ZNF678: variants seen among roughly 807,000 people sequenced by gnomAD.
ZNF678 encodes hypothetical protein MGC42493.
In ZNF678, 5 loss-of-function variants were observed where a neutral mutation model predicts 3.0. That is an observed-to-expected ratio of 1.69 (90% confidence interval 0.88 to 3.56). ZNF678 has a LOEUF of 3.56. ZNF678 is among the 30% of genes most tolerant of loss of function. The probability of loss-of-function intolerance (pLI) is 0.00; values close to 1 mark genes in which losing one functional copy is unlikely to be tolerated. For synonymous variants in ZNF678, 218 were observed against 199.6 expected, an observed-to-expected ratio of 1.09 and a Z score of -0.78; for missense variants, 593 against 605.0, an observed-to-expected ratio of 0.98 and a Z score of 0.21.
intron 1 of ZNF678, among the ~76,000 whole-genome samples, chr1:227,600,666 AT>A (rs1657714299): frequency 6.6e-6 from 1 of 152,124 alleles, no homozygotes; most frequent in Non-Finnish European, 1.5e-5. Flanking sequence ...TAAGTTCCAT[AT>A]AGATGTTGAA....
chr1:227,638,609 G>A lies in ZNF678; in HGVS notation c.-163-7935G>A, dbSNP rs1658739568. Among the ~76,000 whole-genome samples the A allele has an allele frequency of 6.6e-6, 1 of 152,128 alleles. No individual in the cohort carries two copies. The highest frequency in any genetic ancestry group is 2.4e-5 in the African/African-American group (1 of 41,424). ...AGGAAAAGTTGCATGTTTTAAGGTG[G>A]GAGGTTGGAGGAGTAGAAGAAAGTT... On this transcript the variant is annotated intron_variant, in intron 1 of 3. Coordinates refer to ENST00000343776, the MANE Select transcript of ZNF678 (RefSeq NM_001367909.1). This position sits in a 1 kb window ranked among gnomAD's most constrained non-coding sequence, Gnocchi z 4.2.
chr1:227,610,666 T>G (rs1388335620), intron 1 of ZNF678, among the ~76,000 whole-genome samples: 1 of 152,156 alleles, frequency 6.6e-6, no homozygotes, highest in African/African-American at 2.4e-5. Flanking sequence ...GCCTGGACAT[T>G]CTGGTGCCTT....
intron 1 of ZNF678, among the ~76,000 whole-genome samples, chr1:227,582,263 A>G (rs1657149241): frequency 6.6e-6 from 1 of 151,918 alleles, no homozygotes; most frequent in African/African-American, 2.4e-5. Context: ...ATGTAGTCAC[A>G]TCAATTTTTC....
At chr1:227,579,590 T>G (rs1259274837) in intron 1 of ZNF678, among the ~76,000 whole-genome samples, 1 of 151,808 alleles carries the variant, frequency 6.6e-6, no homozygotes, top group East Asian at 1.9e-4. Context: ...GAAGCTGCAG[T>G]ATGGGGAGGG....
In ZNF678 at chr1:227,563,572, A is replaced by G; in HGVS notation, c.-316A>G. ...TGGCGGGGCCTTTGTCTTGTGCTCC[A>G]GCTGGAGCTTTGGTCCCGTATTCTC... On this transcript the variant is annotated 5_prime_UTR_variant, in exon 1 of 4. Transcript: ENST00000343776. 3.8e-6 allele frequency: 3 copies of G among 787,790 alleles called. No homozygotes were observed. In the South Asian group the frequency reaches 4.2e-5, roughly 11 times the overall value. The allele number at this position is 787,790 out of a possible 1,614,324, so 48.8% of individuals were successfully genotyped here. A position where few individuals can be genotyped will look rare whatever the true frequency, so the allele number is the denominator to read the frequency against.
At position 227,597,868 on chromosome 1, in the gene ZNF678, A is replaced by G. The variant is rs531264822; in HGVS notation, c.-164+34144A>G. 1.4e-3 allele frequency among the ~76,000 whole-genome samples: 207 copies of G among 152,360 alleles called. 1 individual carries two copies. The highest frequency in any genetic ancestry group is 4.9e-3 in the African/African-American group (205 of 41,596). ...TCAGTGAAGTGTGGCTACTATGTCC[A>G]CAATACAGGATGTGTGAGGATCAAA... On this transcript the variant is annotated intron_variant, in intron 1 of 3. Transcript: ENST00000343776.
intron 1 of ZNF678, among the ~76,000 whole-genome samples, chr1:227,585,479 T>C (rs1191062986): frequency 1.3e-5 from 2 of 152,004 alleles, no homozygotes; most frequent in African/African-American, 4.8e-5. Flanking sequence ...GAAAACAAAA[T>C]GCTTAAAGAT....
At chr1:227,607,509 A>G (rs1334057340) in intron 1 of ZNF678, among the ~76,000 whole-genome samples, 4 of 152,096 alleles carry the variant, frequency 2.6e-5, no homozygotes, top group Non-Finnish European at 5.9e-5. Flanking sequence ...AACACAGGAA[A>G]TGTAACTTGT....
At chr1:227,651,914 T>C (rs1558156105) in intron 3 of ZNF678, among the ~76,000 whole-genome samples, 1 of 152,116 alleles carries the variant, frequency 6.6e-6, no homozygotes, top group Non-Finnish European at 1.5e-5. Context: ...ACTGATAAAT[T>C]TTTGTTGCTT....
At chr1:227,679,471 T>C (rs984398139), downstream of ZNF678, among the ~76,000 whole-genome samples, 1 of 152,142 alleles carries the variant, frequency 6.6e-6, no homozygotes, top group Non-Finnish European at 1.5e-5. Context: ...TGTCCTGTTC[T>C]GTTTCATTCT....
chr1:227,650,871 C>T (rs901680268), intron 2 of ZNF678, 85 bp from the exon 3 acceptor site: 24 of 980,052 alleles, frequency 2.4e-5, no homozygotes, highest in Non-Finnish European at 3.2e-5. Context: ...AAGATAATGT[C>T]ATCAACAAAC....
chr1:227,647,843 A>G (rs1424998024), intron 2 of ZNF678, among the ~76,000 whole-genome samples: 2 of 152,180 alleles, frequency 1.3e-5, no homozygotes, highest in African/African-American at 2.4e-5. Context: ...GAGGAACTCT[A>G]TTTTACACAA....
At chr1:227,630,127 T>C (rs888505591) in intron 1 of ZNF678, among the ~76,000 whole-genome samples, 3 of 152,210 alleles carry the variant, frequency 2.0e-5, no homozygotes, top group African/African-American at 7.2e-5. Context: ...TTAAGATTAG[T>C]TGGCCTTCAA....
chr1:227,565,486 G>A, intron 1 of ZNF678, among the ~76,000 whole-genome samples: 1 of 152,066 alleles, frequency 6.6e-6, no homozygotes, highest in Admixed American at 6.5e-5. Context: ...CCTCCTGAGT[G>A]GCTAGGCTTA....
chr1:227,651,044 C>T lies in ZNF678; in HGVS notation c.53C>T (p.Thr18Ile), dbSNP rs1320515060. Residue 18 changes from threonine (T) to isoleucine (I), a missense_variant, in exon 3 of 4, where the codon ACC becomes ATC. Transcript: ENST00000343776. Reference protein sequence around the residue: ...IGVCAFEGANTSTSFYKLVYT... With the variant: ...IGVCAFEGANISTSFYKLVYT... ...GTCTGTGCATTTGAAGGAGCAAACA[C>T]CTCTACCAGTTTTTATAAACTGGTT... 2.5e-6 allele frequency: 4 copies of T among 1,613,564 alleles called. No homozygotes were observed. The Admixed American group carries it at 5.0e-5, about 20-fold the overall frequency.
chr1:227,625,323 C>A (rs149583073), intron 1 of ZNF678, among the ~76,000 whole-genome samples: 2 of 151,978 alleles, frequency 1.3e-5, no homozygotes, highest in African/African-American at 4.8e-5. Context: ...GGAGGTTGGC[C>A]GACGATCGCT....
At chr1:227,642,792 G>T (rs1398333621) in intron 1 of ZNF678, among the ~76,000 whole-genome samples, 2 of 151,990 alleles carry the variant, frequency 1.3e-5, no homozygotes, top group Non-Finnish European at 2.9e-5. Context: ...GGCATCTGGG[G>T]TTTGTTTCTC....
In ZNF678 at chr1:227,655,162, G is replaced by C; in HGVS notation, c.912G>C (p.Gln304His). 6.2e-7 allele frequency: 1 copy of C among 1,605,138 alleles called. No individual in the cohort carries two copies. The highest frequency in any genetic ancestry group is 8.5e-7 in the Non-Finnish European group (1 of 1,176,354). The stretch of plus-strand genomic sequence containing the variant: ...AAGAATGTGGCAAAGCCTTTACACA[G>C]TTTGCAAGCCTTACTCGTCATAAAA... ...KCEECGKAFT[Q>H]FASLTRHKRI... is the part of the protein sequence containing the mutation. The change falls in exon 4 of 4, where the codon CAG (glutamine) becomes CAC (histidine). Residue 304 changes from glutamine (Q) to histidine (H), a missense_variant. Coordinates refer to ENST00000343776, the MANE Select transcript of ZNF678 (RefSeq NM_001367909.1).
chr1:227,622,715 C>T (rs762615312), intron 1 of ZNF678, among the ~76,000 whole-genome samples: 2 of 152,106 alleles, frequency 1.3e-5, no homozygotes, highest in Non-Finnish European at 2.9e-5. Flanking sequence ...CAAGAGAGCC[C>T]CTCCTGCCTC....
Sources: allele counts gnomAD v4.1 joint callset (sites outside exome capture counted in the v4.1 genomes callset), GRCh38; gene constraint gnomAD v4.1.1; non-coding constraint Gnocchi (gnomAD v3.1); transcripts MANE v1.5; gene names NCBI Gene and HGNC (gene_info 2026-07-23, HGNC 2026-07-21).